GATA6: variants seen among roughly 807,000 people sequenced by gnomAD.
GATA6 encodes the protein GATA binding protein 6.
A neutral mutation model predicts 48.1 loss-of-function variants in GATA6; 11 were observed. That is an observed-to-expected ratio of 0.23 (90% CI 0.14 to 0.38). GATA6 has a LOEUF of 0.38. GATA6 is among the 10% of genes least tolerant of loss of function. The probability of loss-of-function intolerance (pLI) is 1.00; values close to 1 mark genes in which losing one functional copy is unlikely to be tolerated. For missense variants in GATA6, 795 were observed against 850.3 expected, an observed-to-expected ratio of 0.93 and a Z score of 0.81; for synonymous variants, 419 against 396.1, an observed-to-expected ratio of 1.06 and a Z score of -0.69.
chr18:22,174,728 A>ATT lies in GATA6; in HGVS notation c.1136-2213_1136-2212dup, dbSNP rs35173458. On this transcript the variant is annotated intron_variant, in intron 2 of 6. Coordinates refer to ENST00000269216, the MANE Select transcript of GATA6 (RefSeq NM_005257.6). ...CCTAGCTAGATTTCCTGTTTCTTAG[A>ATT]TTTTTTTTTTTTTTTAAACAAACCG... 5.1e-3 allele frequency among the ~76,000 whole-genome samples: 724 copies of ATT among 143,332 alleles called. 8 individuals are homozygous for ATT. Among genetic ancestry groups the ATT allele is most frequent in the African/African-American group, 0.017 (660 of 39,100 alleles). 94.0% of individuals were successfully genotyped at this position (143,332 alleles called of 152,430 possible). A position where few individuals can be genotyped will look rare whatever the true frequency, so the allele number is the denominator to read the frequency against.
chr18:22,188,914 A>G (rs924259190), intron 6 of GATA6, among the ~76,000 whole-genome samples: 1 of 152,104 alleles, frequency 6.6e-6, no homozygotes, highest in African/African-American at 2.4e-5. Context: ...CATATTAGAC[A>G]TGGTGTATTA....
chr18:22,171,034 G>C lies in GATA6; in HGVS notation c.-37-74G>C. 1 of 864,526 alleles carries C rather than the reference G, an allele frequency of 1.2e-6. No homozygotes were observed. The highest frequency in any genetic ancestry group is 1.9e-6 in the Non-Finnish European group (1 of 533,262). The allele number at this position is 864,526 out of a possible 1,614,324, so 53.6% of individuals were successfully genotyped here. A position where few individuals can be genotyped will look rare whatever the true frequency, so the allele number is the denominator to read the frequency against. ...TTGAACTAGAAAAAGGAGTGGAGGC[G>C]AGGTAGCGTGCAGCCTACGCTCTTG... On this transcript the variant is annotated intron_variant, in intron 1 of 6. Coordinates refer to ENST00000269216, the MANE Select transcript of GATA6 (RefSeq NM_005257.6). This position sits in a 1 kb window ranked among gnomAD's most constrained non-coding sequence, Gnocchi z 7.1.
rs901651350 is a variant in GATA6 at position 22,170,815 on chromosome 18, C to A, written c.-37-293C>A. On this transcript the variant is annotated intron_variant, in intron 1 of 6. Coordinates refer to ENST00000269216, the MANE Select transcript of GATA6 (RefSeq NM_005257.6). The surrounding 1 kb of genome is among the most constrained non-coding windows in gnomAD (Gnocchi z 6.7). ...CTGGCGCGCGCACGGAGAAAGGATG[C>A]GGCCGAGGGGGTGGGCGGGGAGGAC... 69 of 433,776 alleles carry A rather than the reference C, an allele frequency of 1.6e-4. 1 individual carries two copies. In the South Asian group the frequency reaches 1.8e-3, roughly 12 times the overall value. The allele number at this position is 433,776 out of a possible 1,614,324, so 26.9% of individuals were successfully genotyped here.
chr18:22,197,660 G>A (rs1003955048), intron 6 of GATA6, among the ~76,000 whole-genome samples: 4 of 152,152 alleles, frequency 2.6e-5, no homozygotes, highest in South Asian at 2.1e-4. Context: ...TTTTACAAAC[G>A]TTAGCTCATT....
intron 6 of GATA6, among the ~76,000 whole-genome samples, chr18:22,189,027 C>T (rs1006620273): frequency 6.6e-5 from 10 of 152,288 alleles, no homozygotes; most frequent in Non-Finnish European, 7.4e-5. Flanking sequence ...GACTTAGGTT[C>T]CTCGCCAGCT....
chr18:22,177,805 AT>A (rs2033142422), intron 3 of GATA6, among the ~76,000 whole-genome samples: 2 of 152,066 alleles, frequency 1.3e-5, no homozygotes, highest in South Asian at 4.1e-4. Flanking sequence ...CATATCTTGG[AT>A]TGCCCTTGAG....
chr18:22,180,810 G>A (rs2033184996), intron 3 of GATA6, among the ~76,000 whole-genome samples: 1 of 151,692 alleles, frequency 6.6e-6, no homozygotes, highest in Non-Finnish European at 1.5e-5. Context: ...AATAGACCTG[G>A]TGATCTCCGG....
intron 2 of GATA6, among the ~76,000 whole-genome samples, chr18:22,175,313 G>T (rs1480802712): frequency 6.6e-6 from 1 of 152,094 alleles, no homozygotes; most frequent in Non-Finnish European, 1.5e-5. Context: ...GTTTTCAGAT[G>T]ACTAAATAGT....
Position 22,171,306 on chromosome 18 carries a change from C to A in GATA6, c.162C>A (p.Pro54=). Residue 54 remains proline (P), a synonymous_variant, in exon 2 of 7, where the codon CCC becomes CCA. Transcript: ENST00000269216. This position sits in a 1 kb window ranked among gnomAD's most constrained non-coding sequence, Gnocchi z 7.1. ...GCTCCCGGGGCGGAGAGCGGGGCCC[C>A]GGCGGCGCCAGCAACTGCGGGACGC... is the stretch of plus-strand genomic sequence containing the variant. ...SSCSRGGERG[P]GGASNCGTPQ... 6.3e-7 allele frequency: 1 copy of A among 1,590,492 alleles called. No homozygotes were observed. Among genetic ancestry groups the A allele is most frequent in the South Asian group, 1.1e-5 (1 of 90,390 alleles).
chr18:22,181,387 T>C, intron 3 of GATA6, 66 bp from the exon 4 acceptor site: 1 of 1,509,054 alleles, frequency 6.6e-7, no homozygotes, highest in Non-Finnish European at 9.2e-7. Context: ...AATACCTTAA[T>C]GTATGTATGT....
At chr18:22,181,430 T>A in intron 3 of GATA6, 23 bp from the exon 4 acceptor site, 1 of 1,613,902 alleles carries the variant, frequency 6.2e-7, no homozygotes. Context: ...ATTTTTCCAC[T>A]TATGTTCTTG....
chr18:22,173,195 C>CAGGAGTAA (rs1224829208), intron 2 of GATA6, among the ~76,000 whole-genome samples: 1 of 152,232 alleles, frequency 6.6e-6, no homozygotes, highest in Non-Finnish European at 1.5e-5. Context: ...TTTACTCCAG[C>CAGGAGTAA]ACAGGAGTGT....
chr18:22,170,299 G>C lies in GATA6; in HGVS notation c.-38+617G>C, dbSNP rs1402305785. On this transcript the variant is annotated intron_variant, in intron 1 of 6. Coordinates refer to ENST00000269216, the MANE Select transcript of GATA6 (RefSeq NM_005257.6). This position sits in a 1 kb window ranked among gnomAD's most constrained non-coding sequence, Gnocchi z 6.7. ...CTGGAGATGACCGCGGGGTGGGCCGGGTGGCCCGGCCGGCGTGAGCGCGCA... is the reference window on the plus strand; with the variant it reads ...CTGGAGATGACCGCGGGGTGGGCCGCGTGGCCCGGCCGGCGTGAGCGCGCA... Among the ~76,000 whole-genome samples, 3 of 152,224 alleles carry C rather than the reference G, an allele frequency of 2.0e-5. No homozygotes were observed. The highest frequency in any genetic ancestry group is 4.4e-5 in the Non-Finnish European group (3 of 68,038).
At chr18:22,191,309 C>T (rs1199219606) in intron 6 of GATA6, among the ~76,000 whole-genome samples, 1 of 152,130 alleles carries the variant, frequency 6.6e-6, no homozygotes, top group Non-Finnish European at 1.5e-5. Flanking sequence ...ATAGCCTCAT[C>T]CCAGAATACA....
Position 22,170,521 on chromosome 18 carries a change from A to G in GATA6, c.-37-587A>G, listed in dbSNP as rs1030741502. On this transcript the variant is annotated intron_variant, in intron 1 of 6. Transcript: ENST00000269216. This position sits in a 1 kb window ranked among gnomAD's most constrained non-coding sequence, Gnocchi z 6.7. ...TCTGGGGCTCGCGTTCGGGCTGGTCAGCGCAGTCCGGGAAGCTCTGGGAGA... is the reference window on the plus strand; with the variant it reads ...TCTGGGGCTCGCGTTCGGGCTGGTCGGCGCAGTCCGGGAAGCTCTGGGAGA... 3.3e-5 allele frequency among the ~76,000 whole-genome samples: 5 copies of G among 152,202 alleles called. No homozygotes were observed. Among genetic ancestry groups the G allele is most frequent in the African/African-American group, 1.2e-4 (5 of 41,458 alleles).
In GATA6 at chr18:22,172,762, C is replaced by G. The variant is rs2033073182; in HGVS notation, c.1135+483C>G. Among the ~76,000 whole-genome samples the G allele has an allele frequency of 6.6e-6, 1 of 152,172 alleles. No individual in the cohort carries two copies. The highest frequency in any genetic ancestry group is 6.5e-5 in the Admixed American group (1 of 15,282). ...GCACATGCAGGCTCACCCAGTTTAA[C>G]TCTCCAAAGGGTGCGTGTTTGTGTT... On this transcript the variant is annotated intron_variant, in intron 2 of 6. Coordinates refer to ENST00000269216, the MANE Select transcript of GATA6 (RefSeq NM_005257.6). This position sits in a 1 kb window ranked among gnomAD's most constrained non-coding sequence, Gnocchi z 5.2.
chr18:22,188,932 G>C (rs1200177102), intron 6 of GATA6, among the ~76,000 whole-genome samples: 1 of 152,202 alleles, frequency 6.6e-6, no homozygotes, highest in Non-Finnish European at 1.5e-5. Context: ...TTAGGGATAG[G>C]AAATGTGTTT....
At chr18:22,183,965 C>T (rs2033230190) in intron 6 of GATA6, among the ~76,000 whole-genome samples, 2 of 152,202 alleles carry the variant, frequency 1.3e-5, no homozygotes, top group South Asian at 4.1e-4. Flanking sequence ...TTGTTTTCTA[C>T]ATTTAGTTTT....
intron 2 of GATA6, among the ~76,000 whole-genome samples, chr18:22,173,265 C>T (rs2033079416): frequency 6.6e-6 from 1 of 152,222 alleles, no homozygotes; most frequent in Non-Finnish European, 1.5e-5. Flanking sequence ...GTGCTTTCAA[C>T]TGGCTTATCT....
Sources: gnomAD v4.1 joint callset for allele counts (sites outside exome capture counted in the v4.1 genomes callset) on GRCh38, gnomAD v4.1.1 for gene constraint, Gnocchi (gnomAD v3.1) non-coding constraint, MANE v1.5 for transcripts, NCBI Gene and HGNC (gene_info 2026-07-23, HGNC 2026-07-21) for gene names.